ARHGAP24: variants seen among roughly 807,000 people sequenced by gnomAD.
ARHGAP24 encodes the protein Rho GTPase activating protein 24.
Under a neutral mutation model 76.4 loss-of-function variants are expected in ARHGAP24, and 50 were observed. The ratio of observed to expected loss-of-function variants is 0.65; its 90% CI spans 0.52 to 0.83. The LOEUF (loss-of-function observed/expected upper bound fraction) is 0.83, where lower values mean the gene tolerates loss of function less well. ARHGAP24 is among the 40% of genes least tolerant of loss of function. The pLI is 0.00. For missense variants in ARHGAP24, 930 were observed against 914.2 expected, an observed-to-expected ratio of 1.02 and a Z score of -0.22; for synonymous variants, 345 against 323.3, an observed-to-expected ratio of 1.07 and a Z score of -0.72.
At chr4:85,744,677 T>C (rs773825248) in intron 3 of ARHGAP24, among the ~76,000 whole-genome samples, 14 of 151,480 alleles carry the variant, frequency 9.2e-5, no homozygotes, top group Non-Finnish European at 1.9e-4. Context: ...AAGAAGTTAC[T>C]TGTAGCTGTG....
intron 1 of ARHGAP24, among the ~76,000 whole-genome samples, chr4:85,495,835 T>C (rs1022335513): frequency 6.6e-5 from 10 of 152,360 alleles, no homozygotes; most frequent in African/African-American, 2.4e-4. Flanking sequence ...AGTGCTCAGC[T>C]GTCTCTCCTT....
chr4:85,740,632 T>C (rs926296695), intron 3 of ARHGAP24, among the ~76,000 whole-genome samples: 3 of 152,232 alleles, frequency 2.0e-5, no homozygotes, highest in Non-Finnish European at 4.4e-5. Flanking sequence ...TTGCTTGTGG[T>C]TGGCACTCAA....
At chr4:85,727,830 C>T (rs1725226927) in intron 3 of ARHGAP24, among the ~76,000 whole-genome samples, 1 of 152,032 alleles carries the variant, frequency 6.6e-6, no homozygotes, top group Non-Finnish European at 1.5e-5. Flanking sequence ...GACCCAGTGC[C>T]TAAAATCAAT....
intron 3 of ARHGAP24, among the ~76,000 whole-genome samples, chr4:85,763,344 A>T (rs1044800183): frequency 6.6e-6 from 1 of 152,158 alleles, no homozygotes; most frequent in Non-Finnish European, 1.5e-5. Context: ...GCGCTTACAT[A>T]AACAGCTGTG....
intron 2 of ARHGAP24, among the ~76,000 whole-genome samples, chr4:85,624,904 G>A (rs1279380368): frequency 6.6e-6 from 1 of 152,150 alleles, no homozygotes. Flanking sequence ...GTATTTCTGT[G>A]GGATCGTGGT....
chr4:85,821,952 T>C (rs958753809), intron 3 of ARHGAP24, among the ~76,000 whole-genome samples: 1 of 152,194 alleles, frequency 6.6e-6, no homozygotes, highest in Non-Finnish European at 1.5e-5. Flanking sequence ...AGAGAGTTTA[T>C]TGGTGATTGT....
rs116150719 is a variant in ARHGAP24, at chr4:85,773,431, G to A, written c.268+51459G>A. Among the ~76,000 whole-genome samples the A allele has an allele frequency of 4.3e-3, 661 of 152,242 alleles. 4 individuals carry two copies. The highest frequency in any genetic ancestry group is 0.015 in the African/African-American group (642 of 41,534). ...TCTTGGTTTTTCATTCCACATGCCA[G>A]CTCTATATAACTACTTGAAGTAACC... is the stretch of plus-strand genomic sequence containing the variant. On this transcript the variant is annotated intron_variant, in intron 3 of 9. Transcript: ENST00000395184.
chr4:85,699,584 A>G (rs1024693261), intron 2 of ARHGAP24, among the ~76,000 whole-genome samples: 11 of 151,960 alleles, frequency 7.2e-5, no homozygotes, highest in Non-Finnish European at 1.5e-4. Context: ...CCTGGGCAAC[A>G]GAGCAAGACC....
chr4:85,948,252 G>A (rs1371228506), intron 5 of ARHGAP24, among the ~76,000 whole-genome samples: 1 of 152,030 alleles, frequency 6.6e-6, no homozygotes, highest in Non-Finnish European at 1.5e-5. Context: ...TTCATTTTTA[G>A]TACCAAAATT....
At chr4:85,537,418 C>T (rs1180506278) in intron 1 of ARHGAP24, among the ~76,000 whole-genome samples, 1 of 152,014 alleles carries the variant, frequency 6.6e-6, no homozygotes, top group African/African-American at 2.4e-5. Context: ...ATATTTTGAG[C>T]AGTAGAAATG....
intron 3 of ARHGAP24, among the ~76,000 whole-genome samples, chr4:85,911,414 A>C (rs1046867557): frequency 2.0e-5 from 3 of 152,226 alleles, no homozygotes; most frequent in African/African-American, 7.2e-5. Context: ...AATTAAAACA[A>C]TGAAAAAGTC....
At chr4:85,746,815 C>T (rs1281367650) in intron 3 of ARHGAP24, among the ~76,000 whole-genome samples, 1 of 151,730 alleles carries the variant, frequency 6.6e-6, no homozygotes, top group Admixed American at 6.6e-5. Flanking sequence ...CCATGCCTGG[C>T]TAATTTTTTT....
At chr4:85,664,841 C>T (rs1722548403) in intron 2 of ARHGAP24, among the ~76,000 whole-genome samples, 1 of 152,068 alleles carries the variant, frequency 6.6e-6, no homozygotes, top group Non-Finnish European at 1.5e-5. Context: ...GTTTCTTAAT[C>T]CTGAGTTCTA....
chr4:85,605,355 C>G (rs1720159966), intron 2 of ARHGAP24, among the ~76,000 whole-genome samples: 1 of 152,018 alleles, frequency 6.6e-6, no homozygotes, highest in Non-Finnish European at 1.5e-5. Context: ...CACAATGTAC[C>G]TCAAAACTCA....
At position 85,619,527 on chromosome 4, in the gene ARHGAP24, G is replaced by A. The variant is rs140450190; in HGVS notation, c.180+48806G>A. On this transcript the variant is annotated intron_variant, in intron 2 of 9. Coordinates refer to ENST00000395184, the MANE Select transcript of ARHGAP24 (RefSeq NM_001025616.3). ...AAAAAAGTCATTGAAATTTTGATAGGAATTGCTTTGGCTCTATGGATTGCT... is the reference window on the plus strand; with the variant it reads ...AAAAAAGTCATTGAAATTTTGATAGAAATTGCTTTGGCTCTATGGATTGCT... 2.6e-3 allele frequency among the ~76,000 whole-genome samples: 391 copies of A among 151,470 alleles called. 1 individual carries two copies. Among genetic ancestry groups the A allele is most frequent in the African/African-American group, 8.9e-3 (368 of 41,410 alleles).
intron 8 of ARHGAP24, among the ~76,000 whole-genome samples, chr4:85,989,497 G>GA (rs1740198407): frequency 6.6e-6 from 1 of 151,558 alleles, no homozygotes; most frequent in South Asian, 2.1e-4. Flanking sequence ...GACTCTTTCA[G>GA]AAAAAAAGAA....
intron 2 of ARHGAP24, among the ~76,000 whole-genome samples, chr4:85,615,487 C>T (rs1720513695): frequency 6.6e-6 from 1 of 152,036 alleles, no homozygotes; most frequent in Admixed American, 6.5e-5. Flanking sequence ...ACCAGGGTAC[C>T]ATTTTCTAAG....
At chr4:85,496,541 C>T (rs796525735) in intron 1 of ARHGAP24, among the ~76,000 whole-genome samples, 9 of 152,034 alleles carry the variant, frequency 5.9e-5, no homozygotes, top group Admixed American at 3.9e-4. Context: ...ATGTGTAGAT[C>T]ACCTTTTGAC....
rs192487658 is a variant in ARHGAP24, at chr4:85,506,816, G to A, written c.-21+31257G>A. The stretch of plus-strand genomic sequence containing the variant: ...TTAGTTGGAAATGAAGAAATCACCC[G>A]TCTTCTGCATCAGTCACGCTGGGAG... On this transcript the variant is annotated intron_variant, in intron 1 of 9. Transcript: ENST00000395184. 1.8e-4 allele frequency among the ~76,000 whole-genome samples: 28 copies of A among 152,232 alleles called. No individual in the cohort carries two copies. In the East Asian group the frequency reaches 3.1e-3, roughly 17 times the overall value.
Sources: allele counts gnomAD v4.1 joint callset (sites outside exome capture counted in the v4.1 genomes callset), GRCh38; gene constraint gnomAD v4.1.1; transcripts MANE v1.5; gene names NCBI Gene and HGNC (gene_info 2026-07-23, HGNC 2026-07-21).